RAP1GAP2: variants seen among roughly 807,000 people sequenced by gnomAD.
RAP1GAP2 encodes rap1 GTPase-activating protein 2.
In RAP1GAP2, 27 loss-of-function variants were observed where a neutral mutation model predicts 95.0. That is an observed-to-expected ratio of 0.28 (90% confidence interval 0.21 to 0.39). RAP1GAP2 has a LOEUF of 0.39. RAP1GAP2 is among the 10% of genes least tolerant of loss of function. RAP1GAP2 has a pLI of 1.00. For synonymous variants in RAP1GAP2, 373 were observed against 380.9 expected (o/e 0.98, Z 0.24); for missense variants, 771 against 970.0 (o/e 0.79, Z 2.72).
At chr17:2,810,512 TC>T (rs2069719540) in intron 2 of RAP1GAP2, among the ~76,000 whole-genome samples, 1 of 129,836 alleles carries the variant, frequency 7.7e-6, no homozygotes, top group African/African-American at 2.9e-5. Context: ...CCCTCCCCTG[TC>T]CCCCCACCCT....
chr17:2,954,357 G>A (rs936770815), intron 3 of RAP1GAP2, among the ~76,000 whole-genome samples: 10 of 152,044 alleles, frequency 6.6e-5, no homozygotes, highest in African/African-American at 2.4e-4. Context: ...GCCCGCCTCG[G>A]CCTCCCAAAG....
At chr17:3,007,026 A>T (rs928822825) in intron 16 of RAP1GAP2, among the ~76,000 whole-genome samples, 2 of 152,096 alleles carry the variant, frequency 1.3e-5, no homozygotes, top group African/African-American at 4.8e-5. Context: ...ATATCAGATG[A>T]ACCTTCTGCC....
intron 3 of RAP1GAP2, among the ~76,000 whole-genome samples, chr17:2,923,291 G>T (rs1450454490): frequency 6.7e-6 from 1 of 150,082 alleles, no homozygotes; most frequent in African/African-American, 2.5e-5. Context: ...GCCCGCCTCG[G>T]CCTCCCAAAG....
intron 3 of RAP1GAP2, among the ~76,000 whole-genome samples, chr17:2,952,037 A>AAAAAT (rs4060866): frequency 0.89 from 133,261 of 149,826 alleles, 60,965 homozygotes; most frequent in Non-Finnish European, 1. Context: ...GTGTCTCAGA[A>AAAAAT]AAAATAAAAT....
At position 2,879,453 on chromosome 17, in the gene RAP1GAP2, C is replaced by T. The variant is rs559629251; in HGVS notation, c.81-25831C>T. 9.9e-5 allele frequency among the ~76,000 whole-genome samples: 15 copies of T among 151,110 alleles called. No individual in the cohort carries two copies. The South Asian group carries it at 3.0e-3, about 30-fold the overall frequency. On this transcript the variant is annotated intron_variant, in intron 2 of 24. Coordinates refer to ENST00000254695, the MANE Select transcript of RAP1GAP2 (RefSeq NM_015085.5). ...TTACATTGAAAGTCCCTTGGCTGGG[C>T]GTGGCAGCTCATGCCTGTCATCGCA...
rs960952607 is a variant in RAP1GAP2, at chr17:2,963,437, A to G, written c.254A>G (p.Tyr85Cys). The part of the protein sequence containing the change: ...KPGPQKNKDD[Y>C]IPYPSIDEVV... ...ATCTGGTTTGTCTTGCAGGACGACT[A>G]TATCCCATACCCCAGCATCGACGAG... The change falls in exon 6 of 25, where the codon TAT becomes TGT. Residue 85 changes from tyrosine (Y) to cysteine (C), a missense_variant. Tyr to Cys is a radical substitution (Grantham distance 194). Transcript: ENST00000254695. The surrounding 1 kb of genome is among the most constrained non-coding windows in gnomAD (Gnocchi z 4.8). The G allele has an allele frequency of 1.2e-6, 2 of 1,613,664 alleles. No homozygotes were observed. The highest frequency in any genetic ancestry group is 1.7e-6 in the Non-Finnish European group (2 of 1,179,772).
upstream of RAP1GAP2, among the ~76,000 whole-genome samples, chr17:2,796,022 G>A (rs757280355): frequency 8.5e-5 from 13 of 152,158 alleles, no homozygotes; most frequent in Admixed American, 2.6e-4. This position sits in a 1 kb window ranked among gnomAD's most constrained non-coding sequence, Gnocchi z 4.7. Flanking sequence ...TTCCTCTGGC[G>A]TGTGCCGAGC....
At chr17:2,923,199 C>T (rs2042847495) in intron 3 of RAP1GAP2, among the ~76,000 whole-genome samples, 1 of 151,870 alleles carries the variant, frequency 6.6e-6, no homozygotes, top group Admixed American at 6.6e-5. Flanking sequence ...GCCACCACAC[C>T]CAGTTAATTT....
intron 1 of RAP1GAP2, among the ~76,000 whole-genome samples, chr17:2,764,751 A>T (rs2068244614): frequency 6.6e-6 from 1 of 152,168 alleles, no homozygotes; most frequent in South Asian, 2.1e-4. Context: ...ATAAAAATAA[A>T]AACAGAGTGA....
rs1018465976 is a variant in RAP1GAP2 at position 2,902,054 on chromosome 17, C to T, written c.81-3230C>T. On this transcript the variant is annotated intron_variant, in intron 2 of 24. Transcript: ENST00000254695. This position sits in a 1 kb window ranked among gnomAD's most constrained non-coding sequence, Gnocchi z 4.1. ...CAAAATCAAGGTGTCAGCAGGGCGA[C>T]GCTCCCTCTGCAGGCTCTAGGGAAG... Among the ~76,000 whole-genome samples the T allele has an allele frequency of 1.3e-5, 2 of 152,190 alleles. No individual in the cohort carries two copies. The highest frequency in any genetic ancestry group is 2.4e-5 in the African/African-American group (1 of 41,442).
chr17:2,921,144 A>G (rs1330238370), intron 3 of RAP1GAP2, among the ~76,000 whole-genome samples: 1 of 151,856 alleles, frequency 6.6e-6, no homozygotes, highest in Non-Finnish European at 1.5e-5. Flanking sequence ...GGGTTGCTGT[A>G]ACAAATTACT....
chr17:3,000,454 G>A (rs1295984537), intron 14 of RAP1GAP2, among the ~76,000 whole-genome samples: 2 of 141,948 alleles, frequency 1.4e-5, no homozygotes, highest in Admixed American at 7.1e-5. Context: ...AAGAAGCAGG[G>A]AGTGCAGGTC....
At chr17:2,807,959 G>T (rs2069592452) in intron 2 of RAP1GAP2, among the ~76,000 whole-genome samples, 1 of 152,192 alleles carries the variant, frequency 6.6e-6, no homozygotes, top group Non-Finnish European at 1.5e-5. Flanking sequence ...CCTGCGCCCT[G>T]GGGTGAGGCC....
intron 2 of RAP1GAP2, among the ~76,000 whole-genome samples, chr17:2,873,850 C>T (rs539737635): frequency 6.6e-6 from 1 of 152,246 alleles, no homozygotes; most frequent in African/African-American, 2.4e-5. Flanking sequence ...GCAACCTCCG[C>T]CTCCTGGGTA....
chr17:2,965,966 A>T lies in RAP1GAP2; in HGVS notation c.596+323A>T, dbSNP rs2044576987. On this transcript the variant is annotated intron_variant, in intron 8 of 24. Transcript: ENST00000254695. This position sits in a 1 kb window ranked among gnomAD's most constrained non-coding sequence, Gnocchi z 4.7. The stretch of plus-strand genomic sequence containing the variant: ...AGAAAAGTAGGGATGGTTCAGTGTG[A>T]CTCATCCTGCTGAGACACAGCTCCG... The T allele has an allele frequency of 3.2e-6, 1 of 315,070 alleles. No individual in the cohort carries two copies. Among genetic ancestry groups the T allele is most frequent in the Admixed American group, 4.6e-5 (1 of 21,728 alleles). The allele number at this position is 315,070 out of a possible 1,614,324, so 19.5% of individuals were successfully genotyped here.
chr17:2,941,903 G>A (rs1257104182), intron 3 of RAP1GAP2, among the ~76,000 whole-genome samples: 2 of 152,088 alleles, frequency 1.3e-5, no homozygotes, highest in Non-Finnish European at 2.9e-5. Flanking sequence ...GGCTGGTTTT[G>A]AACTCCTGAC....
intron 8 of RAP1GAP2, among the ~76,000 whole-genome samples, chr17:2,966,896 T>G (rs1392596205): frequency 2.0e-5 from 3 of 152,218 alleles, no homozygotes; most frequent in African/African-American, 7.2e-5. Flanking sequence ...CCCCTTTTTC[T>G]AATACTGTAT....
At chr17:2,957,911 G>A (rs2044180477) in intron 4 of RAP1GAP2, 117 bp downstream of exon 4, 5 of 1,103,230 alleles carry the variant, frequency 4.5e-6, no homozygotes, top group Non-Finnish European at 3.8e-6. Flanking sequence ...GTGCAGAGAA[G>A]AGACAATTGC....
At chr17:2,765,827 G>A (rs893219916) in intron 1 of RAP1GAP2, among the ~76,000 whole-genome samples, 2 of 152,082 alleles carry the variant, frequency 1.3e-5, no homozygotes, top group Non-Finnish European at 2.9e-5. Flanking sequence ...AAATGAGCCA[G>A]GCATGGTGCT....
Sources: gnomAD v4.1 joint callset for allele counts (sites outside exome capture counted in the v4.1 genomes callset) on GRCh38, gnomAD v4.1.1 for gene constraint, Gnocchi (gnomAD v3.1) non-coding constraint, MANE v1.5 for transcripts, NCBI Gene and HGNC (gene_info 2026-07-23, HGNC 2026-07-21) for gene names.